RAPGEF6: variants seen among roughly 807,000 people sequenced by gnomAD.
RAPGEF6 encodes PDZ domain containing guanine nucleotide exchange factor (GEF) 2.
Under a neutral mutation model 171.4 loss-of-function variants are expected in RAPGEF6, and 56 were observed. The observed-to-expected ratio is 0.33, with a 90% CI of 0.26 to 0.41. The LOEUF is 0.41. Ranked by LOEUF, RAPGEF6 falls within the 10% of genes least tolerant of loss-of-function variation. The pLI is 1.00. For synonymous variants in RAPGEF6, 692 were observed against 650.1 expected (o/e 1.06, Z -0.98); for missense variants, 1,674 against 1,921.4 (o/e 0.87, Z 2.41).
At chr5:131,574,004 C>T (rs557416408) in intron 4 of RAPGEF6, among the ~76,000 whole-genome samples, 2 of 152,302 alleles carry the variant, frequency 1.3e-5, no homozygotes, top group South Asian at 2.1e-4. Flanking sequence ...CAAGCAGCAG[C>T]GTATCTCTAA....
chr5:131,495,939 C>T (rs1165040944), intron 12 of RAPGEF6, among the ~76,000 whole-genome samples: 2 of 152,198 alleles, frequency 1.3e-5, no homozygotes, highest in African/African-American at 4.8e-5. Context: ...TTTCAGGTAG[C>T]ACCTTAAAAT....
chr5:131,428,884 G>A lies in RAPGEF6; in HGVS notation c.4780+18C>T, dbSNP rs376960327. 228 of 1,603,496 alleles carry A rather than the reference G, an allele frequency of 1.4e-4. No individual in the cohort carries two copies. The highest frequency in any genetic ancestry group is 1.9e-4 in the Non-Finnish European group (217 of 1,171,958). ...CAGCAATTCATTTAAGAGCCTTTAA[G>A]AGAGCTTGTCAACATACCATCTGCT... On this transcript the variant is annotated intron_variant, in intron 27 of 27. Transcript: ENST00000509018.
At chr5:131,586,006 A>G (rs1253186997) in intron 4 of RAPGEF6, among the ~76,000 whole-genome samples, 1 of 152,178 alleles carries the variant, frequency 6.6e-6, no homozygotes, top group Non-Finnish European at 1.5e-5. Context: ...GACCACCTTG[A>G]GCACATGTCA....
intron 6 of RAPGEF6, among the ~76,000 whole-genome samples, chr5:131,529,102 C>T (rs551147225): frequency 1.3e-5 from 2 of 151,792 alleles, no homozygotes; most frequent in African/African-American, 4.8e-5. Context: ...AAGTCAACCT[C>T]CTGAAAGAAA....
At chr5:131,561,728 G>T (rs116603757) in intron 5 of RAPGEF6, among the ~76,000 whole-genome samples, 2,988 of 150,674 alleles carry the variant, frequency 0.02, 99 homozygotes, top group African/African-American at 0.069. Context: ...CTAATTTTCT[G>T]GTAGAAGGGG....
intron 3 of RAPGEF6, among the ~76,000 whole-genome samples, chr5:131,595,334 G>C (rs895389938): frequency 4.6e-5 from 7 of 152,088 alleles, no homozygotes; most frequent in Non-Finnish European, 8.8e-5. Context: ...TTCACCTTCT[G>C]CTGTGATTGT....
At chr5:131,512,241 C>T (rs1010534337) in intron 7 of RAPGEF6, among the ~76,000 whole-genome samples, 5 of 152,218 alleles carry the variant, frequency 3.3e-5, no homozygotes, top group Non-Finnish European at 7.4e-5. Context: ...GCAAGCCGTA[C>T]GGAGCCAAAA....
intron 19 of RAPGEF6, among the ~76,000 whole-genome samples, chr5:131,456,258 T>C (rs1753490019): frequency 6.6e-6 from 1 of 152,188 alleles, no homozygotes; most frequent in Non-Finnish European, 1.5e-5. Flanking sequence ...TTTTACAGTT[T>C]CATTTAAGTG....
chr5:131,437,547 A>G (rs1000071291), intron 24 of RAPGEF6, among the ~76,000 whole-genome samples: 2 of 152,216 alleles, frequency 1.3e-5, no homozygotes, highest in Admixed American at 6.5e-5. Context: ...CCTACATCGC[A>G]AGATCTGGTA....
intron 5 of RAPGEF6, among the ~76,000 whole-genome samples, chr5:131,557,932 T>C (rs1167045786): frequency 6.6e-6 from 1 of 152,206 alleles, no homozygotes; most frequent in Non-Finnish European, 1.5e-5. Flanking sequence ...TTTACATTTA[T>C]TTTCATTTAA....
At chr5:131,538,315 A>G in intron 6 of RAPGEF6, among the ~76,000 whole-genome samples, 1 of 152,198 alleles carries the variant, frequency 6.6e-6, no homozygotes, top group East Asian at 1.9e-4. Flanking sequence ...GTGTAGCTAC[A>G]GAAACCTAGA....
chr5:131,462,089 C>A lies in RAPGEF6; in HGVS notation c.2481-1G>T. 2.0e-6 allele frequency: 3 copies of A among 1,487,132 alleles called. No individual in the cohort carries two copies. Among genetic ancestry groups the A allele is most frequent in the Non-Finnish European group, 2.7e-6 (3 of 1,116,026 alleles). The allele number at this position is 1,487,132 out of a possible 1,614,324, so 92.1% of individuals were successfully genotyped here. On this transcript the variant is annotated splice_acceptor_variant, in intron 18 of 27. Transcript: ENST00000509018. LOFTEE classifies it high-confidence loss of function. ...TTCCATGTTATTTTTTAAGTAATAC[C>A]TAAATGGAAAAATTTTTTTAAATAA...
At chr5:131,453,213 A>G (rs747353584) in intron 20 of RAPGEF6, 36 bp from the exon 21 acceptor site, 98 of 1,558,794 alleles carry the variant, frequency 6.3e-5, no homozygotes, top group Non-Finnish European at 8.2e-5. Flanking sequence ...GTTCAAAATT[A>G]AATTATCTAC....
chr5:131,432,269 G>A (rs1289107070), intron 25 of RAPGEF6, among the ~76,000 whole-genome samples: 1 of 152,112 alleles, frequency 6.6e-6, no homozygotes, highest in Non-Finnish European at 1.5e-5. Context: ...TATAGTGCAG[G>A]GGGTAGCAAA....
At chr5:131,494,692 G>A (rs1444280651) in intron 13 of RAPGEF6, among the ~76,000 whole-genome samples, 1 of 152,176 alleles carries the variant, frequency 6.6e-6, no homozygotes, top group Admixed American at 6.5e-5. Context: ...TCACATGTGT[G>A]TTTTAAAAGC....
At chr5:131,467,635 A>C (rs1338422367) in intron 17 of RAPGEF6, among the ~76,000 whole-genome samples, 4 of 152,242 alleles carry the variant, frequency 2.6e-5, no homozygotes, top group African/African-American at 9.6e-5. Context: ...AATAAAGTTG[A>C]ATCAAAAGGG....
intron 7 of RAPGEF6, among the ~76,000 whole-genome samples, chr5:131,514,044 A>AC (rs1168056542): frequency 6.6e-6 from 1 of 151,680 alleles, no homozygotes; most frequent in Non-Finnish European, 1.5e-5. Flanking sequence ...CAAAACCAAA[A>AC]CCCCCCAAAA....
chr5:131,505,966 G>C (rs1757346426), intron 9 of RAPGEF6, among the ~76,000 whole-genome samples: 1 of 152,124 alleles, frequency 6.6e-6, no homozygotes, highest in Non-Finnish European at 1.5e-5. Flanking sequence ...GCTTAGAATA[G>C]TGCCTGGCAA....
chr5:131,626,794 A>C (rs1765957511), intron 1 of RAPGEF6, among the ~76,000 whole-genome samples: 1 of 152,188 alleles, frequency 6.6e-6, no homozygotes, highest in South Asian at 2.1e-4. Context: ...TGAGGTAACC[A>C]TATCTCAGTT....
Sources: gnomAD v4.1 joint callset for allele counts (sites outside exome capture counted in the v4.1 genomes callset) on GRCh38, gnomAD v4.1.1 for gene constraint, MANE v1.5 for transcripts, NCBI Gene and HGNC (gene_info 2026-07-23, HGNC 2026-07-21) for gene names.